The following TTC14 variants were observed in gnomAD, a reference collection of about 807,000 sequenced individuals.
The protein encoded by TTC14 is tetratricopeptide repeat protein 14.
TTC14 carries 63 observed loss-of-function variants against 79.9 expected under a neutral mutation model. The observed-to-expected ratio is 0.79, with a 90% CI of 0.64 to 0.97. The LOEUF (loss-of-function observed/expected upper bound fraction) is 0.97, where lower values mean the gene tolerates loss of function less well. Ranked by LOEUF, TTC14 falls within the 50% of genes least tolerant of loss-of-function variation. The pLI, the probability that TTC14 is intolerant of heterozygous loss-of-function variation, is 0.00. For synonymous variants in TTC14, 335 were observed against 309.6 expected, an observed-to-expected ratio of 1.08 and a Z score of -0.86; for missense variants, 895 against 894.0, an observed-to-expected ratio of 1.00 and a Z score of -0.01.
chr3:180,616,314 G>C (rs756225920), intron 12 of TTC14: 3 of 1,613,376 alleles, frequency 1.9e-6, no homozygotes, highest in Admixed American at 1.7e-5. Context: ...AGGAGATCTA[G>C]AGCTCTGACG....
rs745903361 is a variant in TTC14, at chr3:180,617,520, G to A, written c.1915G>A (p.Asp639Asn). ...CCCTGAAGACCTTCAAGTGGGACAA[G>A]ATATGGAGGTGGAAGACAGTGGTAT... The change falls in exon 13 of 13, where the codon GAT (aspartate) becomes AAT (asparagine). Residue 639 changes from aspartate to asparagine, a missense_variant. Transcript: ENST00000382584. 50 of 653,174 alleles carry A rather than the reference G, an allele frequency of 7.7e-5. 2 individuals carry two copies. The South Asian group carries it at 8.1e-4, about 11-fold the overall frequency. 40.5% of individuals were successfully genotyped at this position (653,174 alleles called of 1,614,324 possible).
Position 180,606,353 on chromosome 3 carries a change from T to G in TTC14, c.1030T>G (p.Leu344Val). 1 of 1,614,068 alleles carries G rather than the reference T, an allele frequency of 6.2e-7. No individual in the cohort carries two copies. Among genetic ancestry groups the G allele is most frequent in the Non-Finnish European group, 8.5e-7 (1 of 1,179,972 alleles). The change falls in exon 8 of 12, where the codon TTG becomes GTG. Residue 344 changes from leucine (L) to valine (V), a missense_variant. Transcript: ENST00000296015. ...AATAGACAAACAAAACGTGGAAGCT[T>G]TGGTAGCTCGTGGAGCATTGTAAGT... The part of the protein sequence containing the change: ...LEIDKQNVEA[L>V]VARGALYATK...
chr3:180,613,296 C>T (rs1379417559), downstream of TTC14, among the ~76,000 whole-genome samples: 2 of 152,184 alleles, frequency 1.3e-5, no homozygotes, highest in African/African-American at 4.8e-5. Context: ...GCAGATGAAG[C>T]ATGACTTTTG....
Position 180,603,186 on chromosome 3 carries a change from G to A in TTC14, c.349G>A (p.Glu117Lys). Residue 117 changes from glutamate to lysine, a missense_variant, in exon 3 of 12, where the codon GAG becomes AAG. Physicochemically the swap from Glu to Lys is moderately conservative, Grantham distance 56. Coordinates refer to ENST00000296015, the MANE Select transcript of TTC14 (RefSeq NM_133462.4). ...FMEIPSMDRR[E>K]LFFRDIERGD... ...GGAGATACCTAGTATGGATCGGAGA[G>A]AGCTGTTTTTCCGAGATATTGAGCG... 1 of 1,614,060 alleles carries A rather than the reference G, an allele frequency of 6.2e-7. No individual in the cohort carries two copies. Among genetic ancestry groups the A allele is most frequent in the South Asian group, 1.1e-5 (1 of 91,084 alleles).
At chr3:180,607,128 C>T (rs1354482987) in intron 9 of TTC14, among the ~76,000 whole-genome samples, 1 of 152,158 alleles carries the variant, frequency 6.6e-6, no homozygotes, top group Non-Finnish European at 1.5e-5. Flanking sequence ...CTTTTTCCTT[C>T]TAAGAACCCA....
At chr3:180,608,673 G>GT in intron 10 of TTC14, 28 bp from the exon 11 acceptor site, 4 of 1,479,590 alleles carry the variant, frequency 2.7e-6, no homozygotes, top group South Asian at 1.4e-5. Flanking sequence ...TTAACGTGTG[G>GT]TTTTTTTCGA....
At position 180,610,276 on chromosome 3, in the gene TTC14, G is replaced by A. The variant is rs1373883320; in HGVS notation, c.2047G>A (p.Glu683Lys). 1.2e-6 allele frequency: 2 copies of A among 1,613,534 alleles called. No individual in the cohort carries two copies. Among genetic ancestry groups the A allele is most frequent in the East Asian group, 4.5e-5 (2 of 44,868 alleles). Residue 683 changes from glutamate to lysine, a missense_variant, in exon 12 of 12, where the codon GAG becomes AAG. Physicochemically the swap from Glu to Lys is moderately conservative, Grantham distance 56. Coordinates refer to ENST00000296015, the MANE Select transcript of TTC14 (RefSeq NM_133462.4). The stretch of plus-strand genomic sequence containing the variant: ...CTCAGAATACTCTTGGAAGTCAGTT[G>A]AGAAATACAAAAAATACGCTCACTC... ...ASSEYSWKSVEKYKKYAHSGS... is the reference protein window; with the variant it reads ...ASSEYSWKSVKKYKKYAHSGS...
downstream of TTC14, chr3:180,614,930 G>A (rs200947486): frequency 2.6e-6 from 4 of 1,559,986 alleles, no homozygotes; most frequent in African/African-American, 4.1e-5. Context: ...TTTATTTGCT[G>A]CTCTTTTTGC....
intron 11 of TTC14, chr3:180,609,012 A>G: frequency 9.2e-7 from 1 of 1,088,102 alleles, no homozygotes; most frequent in Non-Finnish European, 1.1e-6. Flanking sequence ...AATTCTACAA[A>G]AAAAGAGTAT....
intron 3 of TTC14, 91 bp from the exon 4 acceptor site, chr3:180,604,134 G>A (rs752876290): frequency 7.1e-5 from 76 of 1,076,742 alleles, no homozygotes; most frequent in Middle Eastern, 2.0e-4. Context: ...TCAACTACTA[G>A]CTGTTTCATA....
In TTC14 at chr3:180,602,354, C is replaced by T; in HGVS notation, c.93C>T (p.Phe31=). 6.2e-7 allele frequency: 1 copy of T among 1,612,892 alleles called. No homozygotes were observed. The highest frequency in any genetic ancestry group is 8.5e-7 in the Non-Finnish European group (1 of 1,179,878). The change falls in exon 1 of 12, where the codon TTC becomes TTT. Residue 31 remains phenylalanine, a synonymous_variant. Transcript: ENST00000296015. ...LRSEQQDNPH[F]RSLLGSAAEP... ...GCGAACAGCAGGACAATCCACACTT[C>T]CGTAGCCTCCTGGGGTCGGCCGCCG...
In TTC14 at chr3:180,603,008, C is replaced by T; in HGVS notation, c.279C>T (p.Asp93=). The T allele has an allele frequency of 6.2e-7, 1 of 1,613,112 alleles. No individual in the cohort carries two copies. The highest frequency in any genetic ancestry group is 2.2e-5 in the East Asian group (1 of 44,864). Residue 93 remains aspartate (D), a synonymous_variant, in exon 2 of 12, where the codon GAC becomes GAT. Transcript: ENST00000296015. ...CTGCAACTTCTGAAATTAATGAAGA[C>T]AGTGAAGGTCAGTTTAGCCTTAAAA... ...DAPATSEINE[D]SEDHYAIMPP... is the part of the protein sequence containing the mutation.
chr3:180,616,222 G>A, intron 12 of TTC14: 1 of 1,435,642 alleles, frequency 7.0e-7, no homozygotes, highest in Non-Finnish European at 9.8e-7. Context: ...GAAGTGGCTG[G>A]AATCACTTAG....
chr3:180,616,325 A>T, intron 12 of TTC14: 1 of 1,613,322 alleles, frequency 6.2e-7, no homozygotes, highest in African/African-American at 1.3e-5. Flanking sequence ...AGCTCTGACG[A>T]CTGCCTTTTG....
At chr3:180,605,350 C>T (rs1716618350) in intron 6 of TTC14, 1 of 179,288 alleles carries the variant, frequency 5.6e-6, no homozygotes, top group Non-Finnish European at 1.1e-5. Context: ...TATCTCAGCT[C>T]ACTGCAAGCT....
downstream of TTC14, among the ~76,000 whole-genome samples, chr3:180,612,916 G>A (rs1469281458): frequency 6.6e-6 from 1 of 152,132 alleles, no homozygotes; most frequent in Non-Finnish European, 1.5e-5. Context: ...ATCCAAAAGT[G>A]AGCAGAAAAC....
rs1716405948 is a variant in TTC14, at chr3:180,602,354, C to G, written c.93C>G (p.Phe31Leu). The G allele has an allele frequency of 6.2e-7, 1 of 1,612,892 alleles. No individual in the cohort carries two copies. Among genetic ancestry groups the G allele is most frequent in the Admixed American group, 1.7e-5 (1 of 60,006 alleles). Residue 31 changes from phenylalanine (F) to leucine (L), a missense_variant, in exon 1 of 12, where the codon TTC (phenylalanine) becomes TTG (leucine). Phe to Leu is a conservative substitution (Grantham distance 22). Transcript: ENST00000296015. ...LRSEQQDNPH[F>L]RSLLGSAAEP... ...GCGAACAGCAGGACAATCCACACTTCCGTAGCCTCCTGGGGTCGGCCGCCG... is the reference window on the plus strand; with the variant it reads ...GCGAACAGCAGGACAATCCACACTTGCGTAGCCTCCTGGGGTCGGCCGCCG...
intron 7 of TTC14, 59 bp downstream of exon 7, chr3:180,605,896 C>G: frequency 6.7e-7 from 1 of 1,499,750 alleles, no homozygotes; most frequent in Non-Finnish European, 9.0e-7. Flanking sequence ...TAGGGCAAGG[C>G]AAGCATGCTT....
chr3:180,613,740 A>G (rs893225364), downstream of TTC14: 4 of 395,334 alleles, frequency 1.0e-5, no homozygotes, highest in East Asian at 2.1e-4. Flanking sequence ...GAGCAAAGTG[A>G]CTTTAATTAG....
Sources: allele counts gnomAD v4.1 joint callset (sites outside exome capture counted in the v4.1 genomes callset), GRCh38; gene constraint gnomAD v4.1.1; transcripts MANE v1.5; gene names NCBI Gene and HGNC (gene_info 2026-07-23, HGNC 2026-07-21).